The following MAMDC2 variants were observed in gnomAD, a reference collection of about 807,000 sequenced individuals.
MAMDC2 encodes MAM domain containing 2, also known as MAM domain-containing protein 2.
A neutral mutation model predicts 89.8 loss-of-function variants in MAMDC2; 57 were observed. The observed-to-expected ratio is 0.63, with a 90% CI of 0.51 to 0.79. The LOEUF (loss-of-function observed/expected upper bound fraction) is 0.79, where lower values mean the gene tolerates loss of function less well. Among genes scored for constraint, MAMDC2 ranks in the 30% least tolerant of loss-of-function variants. The probability of loss-of-function intolerance (pLI) is 0.00; values close to 1 mark genes in which losing one functional copy is unlikely to be tolerated. For missense variants in MAMDC2, 800 were observed against 820.6 expected (o/e 0.97, Z 0.31); for synonymous variants, 313 against 293.4 (o/e 1.07, Z -0.68).
At chr9:70,158,774 T>TACTACAC (rs1197906478) in intron 9 of MAMDC2, among the ~76,000 whole-genome samples, 1 of 152,138 alleles carries the variant, frequency 6.6e-6, no homozygotes, top group Admixed American at 6.6e-5. Context: ...TGGTATAGCC[T>TACTACAC]ACTACACACC....
chr9:70,209,414 T>G (rs542849610), intron 11 of MAMDC2, among the ~76,000 whole-genome samples: 7 of 152,218 alleles, frequency 4.6e-5, no homozygotes, highest in East Asian at 1.9e-4. Flanking sequence ...TAGTTTATTT[T>G]CATAGAGGTG....
chr9:70,162,878 C>G (rs1382420355), intron 9 of MAMDC2, among the ~76,000 whole-genome samples: 1 of 146,330 alleles, frequency 6.8e-6, no homozygotes, highest in Non-Finnish European at 1.5e-5. Flanking sequence ...TGGGTTTCCA[C>G]ACAGACCTCC....
chr9:70,092,748 G>A (rs1259521369), intron 2 of MAMDC2: 1 of 152,122 alleles, frequency 6.6e-6, no homozygotes, highest in East Asian at 1.9e-4. Context: ...ATGGATTTCT[G>A]TATTCAATTA....
At chr9:70,129,224 C>T (rs1246744486) in intron 6 of MAMDC2, among the ~76,000 whole-genome samples, 1 of 152,082 alleles carries the variant, frequency 6.6e-6, no homozygotes, top group Non-Finnish European at 1.5e-5. Flanking sequence ...TTTCTCATGC[C>T]TTTCTCGTGA....
At chr9:70,203,239 A>G (rs1363256369) in intron 11 of MAMDC2, among the ~76,000 whole-genome samples, 1 of 152,116 alleles carries the variant, frequency 6.6e-6, no homozygotes, top group African/African-American at 2.4e-5. Context: ...GAGCTCTTTT[A>G]GGGCAGGCCT....
chr9:70,121,884 T>C (rs1332836979), intron 5 of MAMDC2, among the ~76,000 whole-genome samples: 1 of 152,116 alleles, frequency 6.6e-6, no homozygotes, highest in Non-Finnish European at 1.5e-5. Context: ...GAAAGGAGAA[T>C]ACAATGGCAC....
At chr9:70,092,273 C>A (rs1827919296) in intron 2 of MAMDC2, 1 of 152,196 alleles carries the variant, frequency 6.6e-6, no homozygotes, top group Non-Finnish European at 1.5e-5. Flanking sequence ...GTAGGCTTTA[C>A]TGCAGACCAA....
Position 70,163,790 on chromosome 9 carries a change from C to CA in MAMDC2, c.1405-4906dup, listed in dbSNP as rs368404629. 5.5e-3 allele frequency among the ~76,000 whole-genome samples: 830 copies of CA among 151,222 alleles called. 6 individuals are homozygous for CA. Among genetic ancestry groups the CA allele is most frequent in the African/African-American group, 0.019 (795 of 41,244 alleles). ...GCAACAAGGTGAAACCCTGTCTCTA[C>CA]AAAAAATACAAAAATTAGCCGGGTG... is the stretch of plus-strand genomic sequence containing the variant. On this transcript the variant is annotated intron_variant, in intron 9 of 13. Coordinates refer to ENST00000377182, the MANE Select transcript of MAMDC2 (RefSeq NM_153267.5).
At chr9:70,174,068 T>C (rs2032427627) in intron 11 of MAMDC2, among the ~76,000 whole-genome samples, 1 of 152,266 alleles carries the variant, frequency 6.6e-6, no homozygotes, top group Non-Finnish European at 1.5e-5. Flanking sequence ...TCTTTATCTT[T>C]GTATTAAGAA....
At chr9:70,198,707 T>G (rs1212321752) in intron 11 of MAMDC2, among the ~76,000 whole-genome samples, 1 of 152,120 alleles carries the variant, frequency 6.6e-6, no homozygotes, top group African/African-American at 2.4e-5. Context: ...CCAATAAATC[T>G]TCCATATTTT....
chr9:70,181,209 A>G (rs1769422089), intron 11 of MAMDC2, among the ~76,000 whole-genome samples: 2 of 152,138 alleles, frequency 1.3e-5, no homozygotes, highest in South Asian at 2.1e-4. Flanking sequence ...CCATTGGTCT[A>G]TATGTCTGTT....
chr9:70,089,543 T>C (rs1827842191), intron 2 of MAMDC2, among the ~76,000 whole-genome samples: 1 of 152,112 alleles, frequency 6.6e-6, no homozygotes, highest in South Asian at 2.1e-4. Context: ...AAATAGGCTC[T>C]TCCTCAGAAT....
Position 70,154,417 on chromosome 9 carries a change from C to T in MAMDC2, c.1404+10598C>T, listed in dbSNP as rs148655805. ...AACTATAATCCCTTATAGCATAGCA[C>T]CTGAGCAATTTGTCCTACAAGGAAT... On this transcript the variant is annotated intron_variant, in intron 9 of 13. Coordinates refer to ENST00000377182, the MANE Select transcript of MAMDC2 (RefSeq NM_153267.5). Among the ~76,000 whole-genome samples, 602 of 152,208 alleles carry T rather than the reference C, an allele frequency of 4.0e-3. 3 individuals are homozygous for T. The highest frequency in any genetic ancestry group is 0.013 in the African/African-American group (556 of 41,532).
In MAMDC2 at chr9:70,148,299, C is replaced by A. The variant is rs1039901434; in HGVS notation, c.1404+4480C>A. ...AATCCTTCTCTGACCCCACTCTCCA[C>A]TTCTATCCAGCATGGCCAGGTTAGG... On this transcript the variant is annotated intron_variant, in intron 9 of 13. Coordinates refer to ENST00000377182, the MANE Select transcript of MAMDC2 (RefSeq NM_153267.5). Among the ~76,000 whole-genome samples, 4 of 150,084 alleles carry A rather than the reference C, an allele frequency of 2.7e-5. 1 individual carries two copies. Among genetic ancestry groups the A allele is most frequent in the Admixed American group, 2.0e-4 (3 of 15,006 alleles).
chr9:70,183,681 T>G (rs1158513501), intron 11 of MAMDC2, among the ~76,000 whole-genome samples: 1 of 152,166 alleles, frequency 6.6e-6, no homozygotes, highest in African/African-American at 2.4e-5. Flanking sequence ...GCTTTTTTTT[T>G]CTCTTTGCAT....
Position 70,218,358 on chromosome 9 carries a change from C to T in MAMDC2, c.1673C>T (p.Ala558Val). ...TGVGYYMYIE[A>V]SHMVYGQKAR... ...CAAGGCTACTACATGTACATTGAGG[C>T]CTCCCATATGGTGTATGGACAAAAA... The change falls in exon 12 of 14, where the codon GCC becomes GTC. Residue 558 changes from alanine (A) to valine (V), a missense_variant. Transcript: ENST00000377182. 1 of 1,613,636 alleles carries T rather than the reference C, an allele frequency of 6.2e-7. No individual in the cohort carries two copies. Among genetic ancestry groups the T allele is most frequent in the South Asian group, 1.1e-5 (1 of 90,998 alleles).
chr9:70,100,991 G>A (rs1828173852), intron 2 of MAMDC2, among the ~76,000 whole-genome samples: 2 of 152,188 alleles, frequency 1.3e-5, no homozygotes, highest in Admixed American at 1.3e-4. Context: ...GTCATGCACT[G>A]CATAATGTTT....
chr9:70,147,795 G>T (rs2031456580), intron 9 of MAMDC2, among the ~76,000 whole-genome samples: 3 of 150,338 alleles, frequency 2.0e-5, no homozygotes, highest in Admixed American at 2.0e-4. Context: ...TTTTGAAGAG[G>T]ACAGTTGTGC....
intron 6 of MAMDC2, among the ~76,000 whole-genome samples, 164 bp from the exon 7 acceptor site, chr9:70,131,355 T>C (rs1249261788): frequency 3.3e-5 from 5 of 152,184 alleles, no homozygotes; most frequent in Non-Finnish European, 7.3e-5. Flanking sequence ...AGACTGTAGG[T>C]TGAGGAGGGT....
Sources: gnomAD v4.1 joint callset for allele counts (sites outside exome capture counted in the v4.1 genomes callset) on GRCh38, gnomAD v4.1.1 for gene constraint, MANE v1.5 for transcripts, NCBI Gene and HGNC (gene_info 2026-07-23, HGNC 2026-07-21) for gene names.